Variants in STON2 observed in about 807,000 individuals in gnomAD.
STON2 encodes the protein stonin-2.
Under a neutral mutation model 65.7 loss-of-function variants are expected in STON2, and 29 were observed. The ratio of observed to expected loss-of-function variants is 0.44; its 90% CI spans 0.33 to 0.60. The LOEUF (loss-of-function observed/expected upper bound fraction) is 0.60, where lower values mean the gene tolerates loss of function less well. Ranked by LOEUF, STON2 falls within the 20% of genes least tolerant of loss-of-function variation. STON2 has a pLI of 0.03. For synonymous variants in STON2, 404 were observed against 414.2 expected, an observed-to-expected ratio of 0.98 and a Z score of 0.30; for missense variants, 1,054 against 1,118.1, an observed-to-expected ratio of 0.94 and a Z score of 0.82.
At chr14:81,268,537 G>A (rs867152062) in intron 7 of STON2, 40 bp from the exon 8 acceptor site, 2 of 1,286,586 alleles carry the variant, frequency 1.6e-6, no homozygotes, top group South Asian at 1.2e-5. Flanking sequence ...TCAAAAAGAA[G>A]AGAAAAAGCA....
intron 4 of STON2, among the ~76,000 whole-genome samples, chr14:81,328,231 G>A (rs1897070806): frequency 6.6e-6 from 1 of 152,146 alleles, no homozygotes; most frequent in South Asian, 2.1e-4. Flanking sequence ...CAAGCTGATG[G>A]TGGCTTTAAT....
intron 3 of STON2, 22 bp from the exon 4 acceptor site, chr14:81,371,207 A>G (rs773748042): frequency 3.1e-6 from 5 of 1,604,498 alleles, no homozygotes; most frequent in East Asian, 2.2e-5. Flanking sequence ...CCAAAAACCA[A>G]AAGCATACAA....
intron 4 of STON2, among the ~76,000 whole-genome samples, chr14:81,353,136 A>G (rs774522708): frequency 7.2e-5 from 11 of 152,210 alleles, no homozygotes; most frequent in Non-Finnish European, 8.8e-5. Context: ...AATTTAAAAG[A>G]TGACAGTAAA....
chr14:81,380,163 A>G (rs760473628), intron 3 of STON2, among the ~76,000 whole-genome samples: 32 of 152,224 alleles, frequency 2.1e-4, no homozygotes, highest in Non-Finnish European at 3.1e-4. Context: ...AAACAACCCC[A>G]TTAAAATGGG....
chr14:81,382,795 A>G (rs1373439131), intron 3 of STON2, among the ~76,000 whole-genome samples: 2 of 152,236 alleles, frequency 1.3e-5, no homozygotes, highest in African/African-American at 4.8e-5. Flanking sequence ...GTATTTGCAC[A>G]TCGGCTCCTT....
intron 3 of STON2, among the ~76,000 whole-genome samples, chr14:81,384,656 A>G (rs1272601495): frequency 6.6e-6 from 1 of 152,222 alleles, no homozygotes; most frequent in Admixed American, 6.5e-5. Flanking sequence ...GTGTTTGAAC[A>G]TGACTTGAAC....
intron 3 of STON2, among the ~76,000 whole-genome samples, chr14:81,372,235 C>T (rs747689386): frequency 2.0e-5 from 3 of 152,120 alleles, no homozygotes; most frequent in Non-Finnish European, 4.4e-5. Context: ...CTATCACATG[C>T]TGCCTCCACG....
At chr14:81,399,498 T>C (rs1424627236) in intron 1 of STON2, among the ~76,000 whole-genome samples, 1 of 152,190 alleles carries the variant, frequency 6.6e-6, no homozygotes, top group Non-Finnish European at 1.5e-5. Context: ...CAATGAAAAG[T>C]TTAGGAAATT....
At chr14:81,427,826 T>C (rs1902057628) in intron 1 of STON2, among the ~76,000 whole-genome samples, 1 of 152,118 alleles carries the variant, frequency 6.6e-6, no homozygotes. Flanking sequence ...TCTCCCAGGG[T>C]GTGGCCAGAG....
chr14:81,280,858 A>G (rs988777754), intron 5 of STON2, among the ~76,000 whole-genome samples: 1 of 152,082 alleles, frequency 6.6e-6, no homozygotes, highest in African/African-American at 2.4e-5. Context: ...TAAAAATACA[A>G]AAATTAGCTG....
rs12889291 is a variant in STON2 at position 81,266,632 on chromosome 14, G to T, written c.*1782C>A. ...CAACCCTCCATTTAGATATGGACTA[G>T]ATGGAGGGTTAATAAAAGCATGTAA... On this transcript the variant is annotated 3_prime_UTR_variant, in exon 8 of 8. Transcript: ENST00000614646. 1.9e-5 allele frequency: 18 copies of T among 964,286 alleles called. No individual in the cohort carries two copies. The African/African-American group carries it at 2.8e-4, about 15-fold the overall frequency. The allele number at this position is 964,286 out of a possible 1,614,324, so 59.7% of individuals were successfully genotyped here. A position where few individuals can be genotyped will look rare whatever the true frequency, so the allele number is the denominator to read the frequency against.
intron 4 of STON2, among the ~76,000 whole-genome samples, chr14:81,352,157 A>G (rs1040700237): frequency 6.6e-6 from 1 of 152,174 alleles, no homozygotes; most frequent in African/African-American, 2.4e-5. Context: ...CATAATAACT[A>G]TAATAATGCT....
chr14:81,344,850 T>A (rs772975763), intron 4 of STON2, among the ~76,000 whole-genome samples: 1 of 152,244 alleles, frequency 6.6e-6, no homozygotes, highest in Non-Finnish European at 1.5e-5. Context: ...TTTCATATCC[T>A]TTCTTTGCAG....
At chr14:81,345,192 CAT>C (rs1897764664) in intron 4 of STON2, among the ~76,000 whole-genome samples, 1 of 152,180 alleles carries the variant, frequency 6.6e-6, no homozygotes. Flanking sequence ...ATTGTAGTTA[CAT>C]AGTATTATGG....
intron 4 of STON2, among the ~76,000 whole-genome samples, chr14:81,359,508 T>C (rs371959450): frequency 3.3e-5 from 5 of 151,496 alleles, no homozygotes; most frequent in African/African-American, 4.8e-5. Flanking sequence ...CCAATGTCAA[T>C]AGAAAAAAGA....
chr14:81,283,566 T>C (rs1895212769), intron 5 of STON2, among the ~76,000 whole-genome samples: 1 of 149,148 alleles, frequency 6.7e-6, no homozygotes, highest in Non-Finnish European at 1.5e-5. Context: ...AGTCTCGCTG[T>C]GTTGCCCAAG....
chr14:81,391,928 T>C (rs1566940140), intron 3 of STON2, among the ~76,000 whole-genome samples: 2 of 152,160 alleles, frequency 1.3e-5, no homozygotes, highest in South Asian at 2.1e-4. Flanking sequence ...TTTTCAAAAT[T>C]ATGCTTTCAT....
chr14:81,341,893 C>G (rs1437883976), intron 4 of STON2, among the ~76,000 whole-genome samples: 1 of 152,064 alleles, frequency 6.6e-6, no homozygotes, highest in Non-Finnish European at 1.5e-5. Flanking sequence ...CCATTTATAC[C>G]CAACAAGGGT....
At position 81,397,982 on chromosome 14, in the gene STON2, C is replaced by T. The variant is rs1050878162; in HGVS notation, c.88+313G>A. ...CAGAGCCTGTCACTTTTAACAACTA[C>T]TTTTAATAACTACATTTTAAAAAGG... is the stretch of plus-strand genomic sequence containing the variant. On this transcript the variant is annotated intron_variant, in intron 2 of 7. Transcript: ENST00000614646. Among the ~76,000 whole-genome samples the T allele has an allele frequency of 9.9e-5, 15 of 152,140 alleles. No homozygotes were observed. In the South Asian group the frequency reaches 2.7e-3, roughly 27 times the overall value.
Sources: allele counts gnomAD v4.1 joint callset (sites outside exome capture counted in the v4.1 genomes callset), GRCh38; gene constraint gnomAD v4.1.1; transcripts MANE v1.5; gene names NCBI Gene and HGNC (gene_info 2026-07-23, HGNC 2026-07-21).